SLC4A10: variants seen among roughly 807,000 people sequenced by gnomAD.
SLC4A10 encodes the protein solute carrier family 4 member 10.
SLC4A10 carries 42 observed loss-of-function variants against 137.7 expected under a neutral mutation model. The ratio of observed to expected loss-of-function variants is 0.30; its 90% CI spans 0.24 to 0.39. The LOEUF (loss-of-function observed/expected upper bound fraction) is 0.39. Among genes scored for constraint, SLC4A10 ranks in the 10% least tolerant of loss-of-function variants. The pLI is 1.00. For synonymous variants in SLC4A10, 474 were observed against 464.1 expected, an observed-to-expected ratio of 1.02 and a Z score of -0.27; for missense variants, 925 against 1,355.0, an observed-to-expected ratio of 0.68 and a Z score of 4.98.
chr2:161,971,963 T>C (rs1402050891), intron 23 of SLC4A10, among the ~76,000 whole-genome samples: 1 of 152,118 alleles, frequency 6.6e-6, no homozygotes, highest in Admixed American at 6.5e-5. Flanking sequence ...AAAAACAAAA[T>C]TTTTCCCAAG....
rs368696775 is a variant in SLC4A10, at chr2:161,686,447, T to C, written c.48+61881T>C. Among the ~76,000 whole-genome samples, 51 of 152,330 alleles carry C rather than the reference T, an allele frequency of 3.3e-4. No homozygotes were observed. The East Asian group carries it at 7.9e-3, about 24-fold the overall frequency. On this transcript the variant is annotated intron_variant, in intron 1 of 26. Transcript: ENST00000446997. The stretch of plus-strand genomic sequence containing the variant: ...GAGGCAAGAATAAAGGGCAGGACAT[T>C]ATCATTCACTTACAGGTACAGATCT...
intron 15 of SLC4A10, among the ~76,000 whole-genome samples, chr2:161,942,060 A>G (rs1055739571): frequency 2.6e-5 from 4 of 152,164 alleles, no homozygotes; most frequent in African/African-American, 9.7e-5. Flanking sequence ...GCTTAGGCAG[A>G]CCAAGTAGAA....
chr2:161,955,582 C>A (rs1018161185), intron 19 of SLC4A10, among the ~76,000 whole-genome samples: 5 of 152,156 alleles, frequency 3.3e-5, no homozygotes, highest in African/African-American at 1.2e-4. Flanking sequence ...TGTCTCCTCA[C>A]TATCATCTCT....
chr2:161,900,975 G>A lies in SLC4A10; in HGVS notation c.1406G>A (p.Gly469Glu). ...TAAHGEAEPH[G>E]GHSGPELQRT... ...GCTCATGGGGAAGCAGAGCCCCACG[G>A]AGGACATAGTGGACCTGAACTCCAG... is the stretch of plus-strand genomic sequence containing the variant. Residue 469 changes from glycine to glutamate, a missense_variant, in exon 12 of 27, where the codon GGA (glycine) becomes GAA (glutamate). By Grantham distance (98) the Gly-to-Glu change is moderately conservative (BLOSUM62 -2). Coordinates refer to ENST00000446997, the MANE Select transcript of SLC4A10 (RefSeq NM_001178015.2). The A allele has an allele frequency of 6.4e-7, 1 of 1,568,714 alleles. No homozygotes were observed. The highest frequency in any genetic ancestry group is 8.6e-7 in the Non-Finnish European group (1 of 1,156,194).
intron 1 of SLC4A10, among the ~76,000 whole-genome samples, chr2:161,750,581 C>T (rs549393352): frequency 9.2e-5 from 14 of 151,788 alleles, no homozygotes; most frequent in East Asian, 1.9e-4. Context: ...TTCGTGACAT[C>T]GTGGTTGGAA....
chr2:161,637,821 C>G (rs2034676502), intron 1 of SLC4A10, among the ~76,000 whole-genome samples: 1 of 152,096 alleles, frequency 6.6e-6, no homozygotes, highest in Admixed American at 6.6e-5. Context: ...AGTGATATCT[C>G]ATTGTGGTTT....
intron 1 of SLC4A10, among the ~76,000 whole-genome samples, chr2:161,678,284 A>C (rs2105834240): frequency 6.6e-6 from 1 of 152,252 alleles, no homozygotes; most frequent in South Asian, 2.1e-4. Context: ...ATATCTCCTA[A>C]GAGATAAACA....
At chr2:161,775,677 C>T (rs16846104) in intron 2 of SLC4A10, among the ~76,000 whole-genome samples, 2,983 of 151,960 alleles carry the variant, frequency 0.02, 101 homozygotes, top group African/African-American at 0.067. Context: ...GTGAAAGTAA[C>T]CCAGTGCCCC....
intron 5 of SLC4A10, among the ~76,000 whole-genome samples, chr2:161,859,675 A>G (rs1341257973): frequency 7.8e-6 from 1 of 128,656 alleles, no homozygotes; most frequent in Non-Finnish European, 1.5e-5. Flanking sequence ...ATCTCGGCTC[A>G]CTGCAAGCTC....
At chr2:161,723,523 G>A (rs1489900615) in intron 1 of SLC4A10, among the ~76,000 whole-genome samples, 2 of 152,204 alleles carry the variant, frequency 1.3e-5, no homozygotes, top group South Asian at 2.1e-4. Context: ...ACAGTTCCTG[G>A]CATAGCTTCT....
intron 17 of SLC4A10, among the ~76,000 whole-genome samples, chr2:161,948,138 G>A (rs760126504): frequency 5.3e-5 from 8 of 152,002 alleles, no homozygotes; most frequent in Admixed American, 3.9e-4. Context: ...TGTTTAAACC[G>A]TCAGTCCCTC....
chr2:161,947,936 G>A (rs1575792482), intron 17 of SLC4A10, among the ~76,000 whole-genome samples: 1 of 152,086 alleles, frequency 6.6e-6, no homozygotes, highest in South Asian at 2.1e-4. Flanking sequence ...CAAACCCCAC[G>A]GATCAACTCC....
intron 1 of SLC4A10, among the ~76,000 whole-genome samples, chr2:161,626,545 C>T (rs2032406739): frequency 1.3e-5 from 2 of 152,040 alleles, no homozygotes; most frequent in African/African-American, 4.8e-5. Context: ...AAAAACAAGC[C>T]TGAGGGGCTA....
intron 6 of SLC4A10, among the ~76,000 whole-genome samples, chr2:161,865,756 G>A (rs2060702103): frequency 6.6e-6 from 1 of 151,894 alleles, no homozygotes; most frequent in Non-Finnish European, 1.5e-5. Context: ...GAACTCTAAA[G>A]CCTGACAAAC....
intron 1 of SLC4A10, among the ~76,000 whole-genome samples, chr2:161,642,249 T>G (rs113967479): frequency 3.9e-5 from 6 of 151,970 alleles, no homozygotes; most frequent in Non-Finnish European, 8.8e-5. Flanking sequence ...AGACCAAATA[T>G]TTTAGATTGA....
At chr2:161,841,562 G>C (rs2059185967) in intron 4 of SLC4A10, among the ~76,000 whole-genome samples, 2 of 152,160 alleles carry the variant, frequency 1.3e-5, no homozygotes, top group African/African-American at 4.8e-5. Context: ...ACTTTACTCA[G>C]TGTAGAAATA....
chr2:161,895,796 G>A (rs1030232625), intron 11 of SLC4A10, among the ~76,000 whole-genome samples: 1 of 152,122 alleles, frequency 6.6e-6, no homozygotes, highest in African/African-American at 2.4e-5. Context: ...TGAGTTCATT[G>A]TAGGTTCTGG....
intron 1 of SLC4A10, among the ~76,000 whole-genome samples, chr2:161,670,557 T>C (rs2039575476): frequency 8.3e-6 from 1 of 120,312 alleles, no homozygotes; most frequent in Non-Finnish European, 1.8e-5. Context: ...CATAATTTAC[T>C]CCCTTAGTAA....
rs192685794 is a variant in SLC4A10, at chr2:161,960,413, A to G, written c.2862+1858A>G. Among the ~76,000 whole-genome samples, 3 of 150,540 alleles carry G rather than the reference A, an allele frequency of 2.0e-5. No individual in the cohort carries two copies. In the East Asian group the frequency reaches 5.9e-4, roughly 30 times the overall value. On this transcript the variant is annotated intron_variant, in intron 21 of 26. Coordinates refer to ENST00000446997, the MANE Select transcript of SLC4A10 (RefSeq NM_001178015.2). The stretch of plus-strand genomic sequence containing the variant: ...AAGAGGGGAGAACACAGAGAGACAC[A>G]GGACAGGGAAGAAGGCTATATGAAG...
Sources: gnomAD v4.1 joint callset for allele counts (sites outside exome capture counted in the v4.1 genomes callset) on GRCh38, gnomAD v4.1.1 for gene constraint, MANE v1.5 for transcripts, NCBI Gene and HGNC (gene_info 2026-07-23, HGNC 2026-07-21) for gene names.